The following AUTS2 variants were observed in gnomAD, a reference collection of about 807,000 sequenced individuals.
AUTS2 encodes activator of transcription and developmental regulator AUTS2.
Under a neutral mutation model 112.4 loss-of-function variants are expected in AUTS2, and 17 were observed. That is an observed-to-expected ratio of 0.15 (90% CI 0.10 to 0.23). AUTS2 has a LOEUF of 0.23. AUTS2 is among the 10% of genes least tolerant of loss of function. The pLI is 1.00. For missense variants in AUTS2, 1,510 were observed against 1,701.6 expected, an observed-to-expected ratio of 0.89 and a Z score of 1.98; for synonymous variants, 751 against 702.7, an observed-to-expected ratio of 1.07 and a Z score of -1.09.
intron 1 of AUTS2, among the ~76,000 whole-genome samples, chr7:69,770,903 T>TA (rs1007722457): frequency 7.9e-5 from 12 of 151,160 alleles, no homozygotes; most frequent in South Asian, 4.2e-4. Context: ...AAATTGCACT[T>TA]AAAAAAAAAT....
chr7:69,664,814 C>T (rs1482139446), intron 1 of AUTS2, among the ~76,000 whole-genome samples: 3 of 152,242 alleles, frequency 2.0e-5, no homozygotes, highest in East Asian at 1.9e-4. Context: ...CTTTTTCTTC[C>T]ACCTGGCTTC....
intron 6 of AUTS2, among the ~76,000 whole-genome samples, chr7:70,701,471 CAG>C (rs1183349176): frequency 6.6e-6 from 1 of 152,190 alleles, no homozygotes; most frequent in Non-Finnish European, 1.5e-5. Flanking sequence ...GGGGTTGAAA[CAG>C]AGTGGATACA....
chr7:69,905,390 A>G (rs577258598), intron 2 of AUTS2, among the ~76,000 whole-genome samples: 4 of 152,224 alleles, frequency 2.6e-5, no homozygotes. Context: ...TGTTCACATG[A>G]TTATGGGGGC....
chr7:69,847,808 C>T (rs1246770484), intron 1 of AUTS2, among the ~76,000 whole-genome samples: 2 of 152,206 alleles, frequency 1.3e-5, no homozygotes, highest in Admixed American at 1.3e-4. Flanking sequence ...GGGCTCTAAA[C>T]TTGCAGAGGC....
At chr7:69,874,226 C>CAA (rs11440208) in intron 1 of AUTS2, among the ~76,000 whole-genome samples, 4 of 149,650 alleles carry the variant, frequency 2.7e-5, no homozygotes, top group African/African-American at 4.9e-5. Flanking sequence ...GACCGTGTGT[C>CAA]AAAAAAAAAG....
intron 1 of AUTS2, among the ~76,000 whole-genome samples, chr7:69,802,899 T>C (rs1010582389): frequency 8.5e-5 from 13 of 152,194 alleles, no homozygotes; most frequent in Admixed American, 2.6e-4. Flanking sequence ...ACTGGTTCTG[T>C]TTATATTGAC....
At chr7:70,413,115 C>G (rs1281906235) in intron 4 of AUTS2, among the ~76,000 whole-genome samples, 1 of 152,238 alleles carries the variant, frequency 6.6e-6, no homozygotes, top group Non-Finnish European at 1.5e-5. Context: ...TTGTAGGCTC[C>G]TTTGTCTTCA....
At chr7:70,734,655 T>C (rs1056849037) in intron 6 of AUTS2, among the ~76,000 whole-genome samples, 1 of 152,106 alleles carries the variant, frequency 6.6e-6, no homozygotes, top group African/African-American at 2.4e-5. Flanking sequence ...GGGCACTGAA[T>C]AGATTAGTCA....
intron 1 of AUTS2, among the ~76,000 whole-genome samples, chr7:69,728,534 C>T (rs1003899513): frequency 6.6e-6 from 1 of 152,130 alleles, no homozygotes; most frequent in Non-Finnish European, 1.5e-5. Flanking sequence ...ATTGAGTCAT[C>T]CATTCTTCCC....
chr7:70,045,784 CTTTTTTT>C (rs746154629), intron 2 of AUTS2, among the ~76,000 whole-genome samples: 1 of 126,796 alleles, frequency 7.9e-6, no homozygotes, highest in Non-Finnish European at 1.7e-5. Flanking sequence ...AATTTTCTAC[CTTTTTTT>C]TTTTTTTTTT....
intron 1 of AUTS2, among the ~76,000 whole-genome samples, chr7:69,791,877 T>C (rs1043125788): frequency 6.6e-6 from 1 of 152,172 alleles, no homozygotes; most frequent in African/African-American, 2.4e-5. Flanking sequence ...ACAGGTAAGT[T>C]ATGGATGAGC....
intron 2 of AUTS2, among the ~76,000 whole-genome samples, chr7:69,960,611 G>T (rs1332430888): frequency 6.6e-6 from 1 of 152,118 alleles, no homozygotes; most frequent in African/African-American, 2.4e-5. Flanking sequence ...ACACAATATC[G>T]AACTTCAGAA....
At chr7:70,702,402 G>A (rs1047643609) in intron 6 of AUTS2, among the ~76,000 whole-genome samples, 9 of 152,318 alleles carry the variant, frequency 5.9e-5, no homozygotes, top group Admixed American at 3.9e-4. Flanking sequence ...ACAGATAGAC[G>A]ATGACAAGTC....
At chr7:70,342,751 G>A (rs1305635401) in intron 4 of AUTS2, among the ~76,000 whole-genome samples, 1 of 152,102 alleles carries the variant, frequency 6.6e-6, no homozygotes, top group African/African-American at 2.4e-5. Context: ...CCTTAACAGA[G>A]AATACACTGC....
intron 1 of AUTS2, among the ~76,000 whole-genome samples, chr7:69,730,925 G>A (rs1255397513): frequency 6.6e-6 from 1 of 152,164 alleles, no homozygotes; most frequent in African/African-American, 2.4e-5. Flanking sequence ...TGAGTACTTG[G>A]TGAAGACTTT....
intron 18 of AUTS2, among the ~76,000 whole-genome samples, chr7:70,788,745 A>C (rs1358816835): frequency 1.3e-5 from 2 of 152,236 alleles, no homozygotes; most frequent in Admixed American, 6.5e-5. Context: ...CAGCCCTTAT[A>C]GGGGAGCCTC....
intron 15 of AUTS2, 164 bp from the exon 16 acceptor site, chr7:70,784,765 AAAAAAAAACACAC>A: frequency 3.0e-6 from 1 of 330,760 alleles, no homozygotes; most frequent in Non-Finnish European, 5.4e-6. Context: ...AAAAAAAAAA[AAAAAAAAACACAC>A]ATTTTCTTTT....
chr7:70,006,299 C>T (rs1439436720), intron 2 of AUTS2, among the ~76,000 whole-genome samples: 1 of 152,072 alleles, frequency 6.6e-6, no homozygotes, highest in East Asian at 1.9e-4. Context: ...GAATTCGTTT[C>T]ACATTGCCTT....
intron 5 of AUTS2, among the ~76,000 whole-genome samples, chr7:70,508,402 G>A (rs1384255664): frequency 1.3e-5 from 2 of 152,160 alleles, no homozygotes; most frequent in South Asian, 2.1e-4. Context: ...TCACAGTGCC[G>A]AGCATTTGAT....
Sources: gnomAD v4.1 joint callset for allele counts (sites outside exome capture counted in the v4.1 genomes callset) on GRCh38, gnomAD v4.1.1 for gene constraint, MANE v1.5 for transcripts, NCBI Gene and HGNC (gene_info 2026-07-23, HGNC 2026-07-21) for gene names.